HCN1: variants seen among roughly 807,000 people sequenced by gnomAD.
HCN1 encodes hyperpolarization activated cyclic nucleotide gated potassium channel 1.
A neutral mutation model predicts 78.9 loss-of-function variants in HCN1; 13 were observed. That is an observed-to-expected ratio of 0.16 (90% confidence interval 0.11 to 0.26). The LOEUF (loss-of-function observed/expected upper bound fraction) is 0.26, where lower values mean the gene tolerates loss of function less well. Ranked by LOEUF, HCN1 falls within the 10% of genes least tolerant of loss-of-function variation. The pLI, the probability that HCN1 is intolerant of heterozygous loss-of-function variation, is 1.00. For missense variants in HCN1, 810 were observed against 1,154.3 expected (o/e 0.70, Z 4.32); for synonymous variants, 552 against 455.5 (o/e 1.21, Z -2.70).
chr5:45,459,460 G>A (rs972187316), intron 3 of HCN1, among the ~76,000 whole-genome samples: 1 of 147,950 alleles, frequency 6.8e-6, no homozygotes, highest in African/African-American at 2.5e-5. Context: ...TTTGTATAAT[G>A]TCAGGATATT....
At chr5:45,545,932 T>C (rs992349219) in intron 2 of HCN1, among the ~76,000 whole-genome samples, 5 of 152,024 alleles carry the variant, frequency 3.3e-5, no homozygotes, top group Non-Finnish European at 5.9e-5. Context: ...AATAAATATG[T>C]ATATACTTTA....
intron 3 of HCN1, among the ~76,000 whole-genome samples, chr5:45,413,057 C>G (rs554746368): frequency 6.6e-6 from 1 of 151,810 alleles, no homozygotes; most frequent in Non-Finnish European, 1.5e-5. Context: ...ATTCTCTAAT[C>G]GATTATGGTG....
intron 2 of HCN1, among the ~76,000 whole-genome samples, chr5:45,578,733 C>T (rs1167472165): frequency 1.3e-5 from 2 of 151,656 alleles, no homozygotes; most frequent in Non-Finnish European, 2.9e-5. Flanking sequence ...AAAATGAAGG[C>T]ATAGAGCAAT....
At chr5:45,359,566 CTT>C (rs536742990) in intron 4 of HCN1, among the ~76,000 whole-genome samples, 4 of 151,522 alleles carry the variant, frequency 2.6e-5, no homozygotes, top group Non-Finnish European at 5.9e-5. Context: ...AAAGTTAATA[CTT>C]TTTTTTAAAA....
At chr5:45,314,426 C>A (rs576652352) in intron 5 of HCN1, among the ~76,000 whole-genome samples, 12 of 152,070 alleles carry the variant, frequency 7.9e-5, no homozygotes, top group Non-Finnish European at 1.5e-4. Flanking sequence ...TTGTAAAGAC[C>A]GTCAAGGCTA....
intron 2 of HCN1, among the ~76,000 whole-genome samples, chr5:45,489,977 C>T (rs542176092): frequency 1.3e-5 from 2 of 152,106 alleles, no homozygotes; most frequent in East Asian, 1.9e-4. Context: ...TATGAGTATG[C>T]CCCAAATACT....
At chr5:45,572,518 G>A (rs1181974942) in intron 2 of HCN1, among the ~76,000 whole-genome samples, 6 of 152,148 alleles carry the variant, frequency 3.9e-5, no homozygotes, top group African/African-American at 1.2e-4. Flanking sequence ...ATAAAAAGAA[G>A]TGTGGCTGTG....
At chr5:45,549,467 C>A (rs947697597) in intron 2 of HCN1, among the ~76,000 whole-genome samples, 1 of 152,090 alleles carries the variant, frequency 6.6e-6, no homozygotes, top group Non-Finnish European at 1.5e-5. Context: ...AAACTGGATC[C>A]CTTCCATACA....
chr5:45,676,341 C>A (rs1001034874), intron 1 of HCN1, among the ~76,000 whole-genome samples: 1 of 151,560 alleles, frequency 6.6e-6, no homozygotes, highest in Non-Finnish European at 1.5e-5. Context: ...TATGCATAAG[C>A]AAATCTATAT....
chr5:45,379,358 T>A (rs1409770891), intron 4 of HCN1, among the ~76,000 whole-genome samples: 2 of 152,100 alleles, frequency 1.3e-5, no homozygotes, highest in African/African-American at 4.8e-5. Flanking sequence ...TAGGAAAATT[T>A]TCATTTTTCA....
intron 2 of HCN1, among the ~76,000 whole-genome samples, chr5:45,521,234 C>A (rs1660324838): frequency 6.6e-6 from 1 of 151,948 alleles, no homozygotes; most frequent in Admixed American, 6.6e-5. Flanking sequence ...AGGCTCTGAA[C>A]TCCCTTGCAA....
Position 45,262,144 on chromosome 5 carries a change from T to G in HCN1, c.2450A>C (p.Gln817Pro), listed in dbSNP as rs998527315. The G allele has an allele frequency of 5.0e-6, 8 of 1,613,500 alleles. No individual in the cohort carries two copies. Among genetic ancestry groups the G allele is most frequent in the Non-Finnish European group, 6.8e-6 (8 of 1,179,800 alleles). Residue 817 changes from glutamine to proline, a missense_variant, in exon 8 of 8, where the codon CAA becomes CCA. Gln to Pro is a moderately conservative substitution (Grantham distance 76). This residue lies in a region of HCN1 where 398 missense variants were observed against 381.3 expected (regional missense o/e 1.04). Coordinates refer to ENST00000303230, the MANE Select transcript of HCN1 (RefSeq NM_021072.4). ...TVGESLASIP[Q>P]PVTAVPGTGL... ...CGTTCCGGGGACCGCCGTCACGGGT[T>G]GAGGGATGGAGGCCAGGGACTCGCC...
intron 5 of HCN1, among the ~76,000 whole-genome samples, chr5:45,344,095 G>A (rs1746646604): frequency 6.6e-6 from 1 of 152,100 alleles, no homozygotes; most frequent in Non-Finnish European, 1.5e-5. Context: ...TATGGTAAAA[G>A]GGGAAGCAAA....
At chr5:45,556,972 C>T (rs1004381986) in intron 2 of HCN1, among the ~76,000 whole-genome samples, 4 of 151,990 alleles carry the variant, frequency 2.6e-5, no homozygotes. Flanking sequence ...TCTACCTACA[C>T]ATGACTTTGG....
At chr5:45,366,037 G>A (rs1046410765) in intron 4 of HCN1, among the ~76,000 whole-genome samples, 1 of 151,702 alleles carries the variant, frequency 6.6e-6, no homozygotes, top group Admixed American at 6.6e-5. Context: ...TTTCACACCA[G>A]GGCTAAATCT....
chr5:45,517,814 C>T (rs905009051), intron 2 of HCN1, among the ~76,000 whole-genome samples: 2 of 151,950 alleles, frequency 1.3e-5, no homozygotes, highest in Non-Finnish European at 2.9e-5. Flanking sequence ...GCTAAAAGGA[C>T]ATGATAATAT....
intron 2 of HCN1, among the ~76,000 whole-genome samples, chr5:45,638,711 T>G (rs550164449): frequency 6.6e-6 from 1 of 152,290 alleles, no homozygotes; most frequent in South Asian, 2.1e-4. Flanking sequence ...AAGACCAGCC[T>G]GGCCAACATG....
chr5:45,329,449 G>GA (rs1369753595), intron 5 of HCN1, among the ~76,000 whole-genome samples: 2 of 151,094 alleles, frequency 1.3e-5, no homozygotes, highest in Admixed American at 6.6e-5. Context: ...ATAATATTAG[G>GA]AAAAATCAAG....
intron 2 of HCN1, among the ~76,000 whole-genome samples, chr5:45,627,506 A>C (rs1368240976): frequency 1.3e-5 from 2 of 152,168 alleles, no homozygotes; most frequent in African/African-American, 4.8e-5. Context: ...CTGGGGAAGC[A>C]AAAGAGACTG....
Sources: allele counts gnomAD v4.1 joint callset (sites outside exome capture counted in the v4.1 genomes callset), GRCh38; gene constraint gnomAD v4.1.1; regional missense constraint gnomAD v4.1.1; transcripts MANE v1.5; gene names NCBI Gene and HGNC (gene_info 2026-07-23, HGNC 2026-07-21).